Variants in SULT6B1 observed in about 807,000 individuals in gnomAD.
SULT6B1 encodes the protein sulfotransferase 6B1.
A neutral mutation model predicts 37.2 loss-of-function variants in SULT6B1; 44 were observed. That is an observed-to-expected ratio of 1.18 (90% CI 0.93 to 1.52). The LOEUF is 1.52. Among genes scored for constraint, SULT6B1 ranks in the 40% most tolerant of loss-of-function variants. The pLI is 0.00. For synonymous variants in SULT6B1, 140 were observed against 126.0 expected, an observed-to-expected ratio of 1.11 and a Z score of -0.74; for missense variants, 450 against 361.0, an observed-to-expected ratio of 1.25 and a Z score of -2.00.
intron 6 of SULT6B1, among the ~76,000 whole-genome samples, chr2:37,170,452 G>T (rs185592952): frequency 1.3e-5 from 2 of 150,074 alleles, no homozygotes; most frequent in East Asian, 4.0e-4. Flanking sequence ...GGGCGACAGA[G>T]CAAGACTCTG....
chr2:37,188,804 A>G (rs537974783), upstream of SULT6B1, among the ~76,000 whole-genome samples: 13 of 152,312 alleles, frequency 8.5e-5, no homozygotes, highest in South Asian at 2.5e-3. Context: ...TCCTCCTGGG[A>G]AAAGCTAAAC....
At chr2:37,188,412 T>A in intron 1 of SULT6B1, 30 bp downstream of exon 1, 1 of 1,583,614 alleles carries the variant, frequency 6.3e-7, no homozygotes, top group South Asian at 1.1e-5. Flanking sequence ...CTATGAGAAG[T>A]GTACTTGTAG....
At chr2:37,173,831 C>T (rs1324542404) in intron 5 of SULT6B1, among the ~76,000 whole-genome samples, 1 of 152,212 alleles carries the variant, frequency 6.6e-6, no homozygotes, top group Non-Finnish European at 1.5e-5. Context: ...TTGCAGTGCC[C>T]TCTTTACAGC....
chr2:37,175,048 TTTATACAAACAGACATTATAAGTAAGTGC>T, intron 5 of SULT6B1, 55 bp downstream of exon 5: 1 of 746,352 alleles, frequency 1.3e-6, no homozygotes, highest in Non-Finnish European at 2.0e-6. Flanking sequence ...ACCATATTTG[TTTATACAAACAGACATTATAAGTAAGTGC>T]TCTACGTTGT....
intron 6 of SULT6B1, among the ~76,000 whole-genome samples, chr2:37,169,248 G>A (rs537196274): frequency 5.2e-4 from 79 of 152,214 alleles, no homozygotes; most frequent in Non-Finnish European, 9.0e-4. Flanking sequence ...ATAAAAATGG[G>A]GGTTAGTCAA....
chr2:37,168,446 G>T (rs1447364456), intron 6 of SULT6B1, among the ~76,000 whole-genome samples: 2 of 152,120 alleles, frequency 1.3e-5, no homozygotes, highest in East Asian at 3.9e-4. Flanking sequence ...GTGAGCTACT[G>T]CGCCCAGCCA....
chr2:37,169,477 T>G (rs960545086), intron 6 of SULT6B1, among the ~76,000 whole-genome samples: 4 of 152,060 alleles, frequency 2.6e-5, no homozygotes, highest in African/African-American at 9.7e-5. Flanking sequence ...TGTTTGTTTT[T>G]GTTTTCTTGT....
chr2:37,188,672 G>T, upstream of SULT6B1: 1 of 778,958 alleles, frequency 1.3e-6, no homozygotes, highest in South Asian at 1.5e-5. Flanking sequence ...CTGCTCTGTG[G>T]CTGTTCAGGG....
intron 2 of SULT6B1, among the ~76,000 whole-genome samples, chr2:37,185,348 T>C (rs1676647877): frequency 6.6e-6 from 1 of 152,176 alleles, no homozygotes. Context: ...AGGAAAAATA[T>C]GTACTCCAGA....
chr2:37,186,997 G>C (rs527495069), intron 2 of SULT6B1, among the ~76,000 whole-genome samples: 1 of 152,260 alleles, frequency 6.6e-6, no homozygotes, highest in African/African-American at 2.4e-5. Context: ...CATTTCCTGA[G>C]GTTTCTCAGC....
intron 3 of SULT6B1, among the ~76,000 whole-genome samples, chr2:37,181,836 T>C (rs926236745): frequency 1.3e-5 from 2 of 152,180 alleles, no homozygotes; most frequent in African/African-American, 4.8e-5. Context: ...ATGGGGGAAA[T>C]TACGTGTTAA....
chr2:37,188,654 A>G lies in SULT6B1; in HGVS notation c.-14T>C. The G allele has an allele frequency of 1.0e-6, 1 of 955,176 alleles. No homozygotes were observed. The highest frequency in any genetic ancestry group is 2.6e-5 in the East Asian group (1 of 38,690). 59.2% of individuals were successfully genotyped at this position (955,176 alleles called of 1,614,324 possible). A position where few individuals can be genotyped will look rare whatever the true frequency, so the allele number is the denominator to read the frequency against. On this transcript the variant is annotated 5_prime_UTR_variant, in exon 1 of 7. Coordinates refer to ENST00000535679, the MANE Select transcript of SULT6B1 (RefSeq NM_001367551.1). Reference sequence around the variant, plus strand: ...TTTATCAGCCATGGTGGCTCCCTGTAAAAGAACCTGCTCTGTGGCTGTTCA... The same window carrying G: ...TTTATCAGCCATGGTGGCTCCCTGTGAAAGAACCTGCTCTGTGGCTGTTCA...
At chr2:37,194,910 TTCCTTCCTTCCTTCCTTCCTTCCTTC>T in intron 1 of SULT6B1, among the ~76,000 whole-genome samples, 1 of 28,828 alleles carries the variant, frequency 3.5e-5, no homozygotes, top group Middle Eastern at 0.014. Context: ...CCTTCCTTCC[TTCCTTCCTTCCTTCCTTCCTTCCTTC>T]CTTCCTTCCT....
At chr2:37,179,168 C>T (rs1314218797) in intron 4 of SULT6B1, among the ~76,000 whole-genome samples, 1 of 152,114 alleles carries the variant, frequency 6.6e-6, no homozygotes, top group African/African-American at 2.4e-5. Flanking sequence ...CCGTGTTAGC[C>T]AGGACAGTCT....
chr2:37,193,635 A>G (rs1676831381), upstream of SULT6B1, among the ~76,000 whole-genome samples: 1 of 151,588 alleles, frequency 6.6e-6, no homozygotes, highest in Admixed American at 6.6e-5. Context: ...AAGAAGAAGA[A>G]GAAGAAGAAG....
chr2:37,174,227 C>CT (rs35100458), intron 5 of SULT6B1, among the ~76,000 whole-genome samples: 30 of 58,444 alleles, frequency 5.1e-4, no homozygotes, highest in Admixed American at 1.1e-3. Flanking sequence ...TCTTCCTATT[C>CT]TTTTTTTTTT....
At chr2:37,177,151 CTCA>C (rs10537350) in intron 4 of SULT6B1, among the ~76,000 whole-genome samples, 21,214 of 151,854 alleles carry the variant, frequency 0.14, 2,546 homozygotes, top group African/African-American at 0.33. Flanking sequence ...TGACAAGTTT[CTCA>C]TCATCATTTG....
At position 37,171,535 on chromosome 2, in the gene SULT6B1, C is replaced by G. The variant is rs149230278; in HGVS notation, c.680G>C (p.Gly227Ala). 66 of 1,613,920 alleles carry G rather than the reference C, an allele frequency of 4.1e-5. No individual in the cohort carries two copies. The highest frequency in any genetic ancestry group is 5.3e-5 in the Non-Finnish European group (63 of 1,180,010). The change falls in exon 6 of 7, where the codon GGG becomes GCG. Residue 227 changes from glycine (G) to alanine (A), a missense_variant. Transcript: ENST00000535679. ...GACTGAGATAGTTTGAATTTGCTCC[C>G]CAGTTAGAAAGAATCCCAAGAACTC... ...IAEFLGFFLT[G>A]EQIQTISVQS...
chr2:37,175,368 A>G (rs1283526860), intron 4 of SULT6B1, 142 bp from the exon 5 acceptor site: 1 of 412,314 alleles, frequency 2.4e-6, no homozygotes, highest in Non-Finnish European at 4.3e-6. Context: ...CCTGCCACCA[A>G]AAAGCTGATA....
Sources: allele counts gnomAD v4.1 joint callset (sites outside exome capture counted in the v4.1 genomes callset), GRCh38; gene constraint gnomAD v4.1.1; transcripts MANE v1.5; gene names NCBI Gene and HGNC (gene_info 2026-07-23, HGNC 2026-07-21).